Variants in CTIF observed in about 807,000 individuals in gnomAD.
CTIF encodes the protein CBP80/20-dependent translation initiation factor.
A neutral mutation model predicts 66.0 loss-of-function variants in CTIF; 21 were observed. The observed-to-expected ratio is 0.32, with a 90% confidence interval of 0.23 to 0.46. CTIF has a LOEUF of 0.46. CTIF is among the 20% of genes least tolerant of loss of function. The pLI is 1.00. For synonymous variants in CTIF, 345 were observed against 326.4 expected, an observed-to-expected ratio of 1.06 and a Z score of -0.62; for missense variants, 739 against 812.7, an observed-to-expected ratio of 0.91 and a Z score of 1.10.
At chr18:48,826,762 T>G (rs11665341) in intron 10 of CTIF, 18,898 of 152,306 alleles carry the variant, frequency 0.12, 1,491 homozygotes, top group Non-Finnish European at 0.17. Context: ...TTTGAGACAA[T>G]GCTTCTTATT....
At chr18:48,812,510 C>T (rs903516994) in intron 9 of CTIF, among the ~76,000 whole-genome samples, 6 of 152,218 alleles carry the variant, frequency 3.9e-5, no homozygotes, top group African/African-American at 7.2e-5. Context: ...TTTGTTCCTT[C>T]GTAGCTGTTT....
At chr18:48,649,667 C>G (rs969594665) in intron 3 of CTIF, among the ~76,000 whole-genome samples, 2 of 152,228 alleles carry the variant, frequency 1.3e-5, no homozygotes, top group Non-Finnish European at 2.9e-5. Flanking sequence ...GTCCCTGACC[C>G]TTGTATAGCC....
intron 6 of CTIF, among the ~76,000 whole-genome samples, chr18:48,673,040 CT>C (rs1328998334): frequency 6.6e-6 from 1 of 152,188 alleles, no homozygotes; most frequent in Non-Finnish European, 1.5e-5. Context: ...GATACCTCCC[CT>C]GATCCCTCTC....
intron 7 of CTIF, among the ~76,000 whole-genome samples, chr18:48,753,337 C>T (rs142724046): frequency 8.0e-4 from 121 of 152,108 alleles, no homozygotes; most frequent in Non-Finnish European, 1.1e-3. Context: ...TAGTTGGGAA[C>T]GATTATGAAA....
intron 6 of CTIF, among the ~76,000 whole-genome samples, chr18:48,679,171 C>T (rs2091697244): frequency 6.6e-6 from 1 of 152,206 alleles, no homozygotes; most frequent in Admixed American, 6.5e-5. Flanking sequence ...TCCAAGAGCC[C>T]TTCTGCTTTG....
intron 7 of CTIF, among the ~76,000 whole-genome samples, chr18:48,737,865 G>T (rs944097774): frequency 6.6e-6 from 1 of 152,252 alleles, no homozygotes; most frequent in Non-Finnish European, 1.5e-5. Context: ...GTAAGTAGAA[G>T]TTAGATTGAT....
chr18:48,664,415 G>A, intron 4 of CTIF, 32 bp from the exon 5 acceptor site: 1 of 1,580,606 alleles, frequency 6.3e-7, no homozygotes, highest in Non-Finnish European at 8.7e-7. Flanking sequence ...TTGCCCTCTT[G>A]CCTCCGTTTC....
intron 7 of CTIF, among the ~76,000 whole-genome samples, chr18:48,729,746 G>T (rs1034717653): frequency 2.0e-5 from 3 of 152,226 alleles, no homozygotes; most frequent in African/African-American, 7.2e-5. Flanking sequence ...CCTGTCTGGG[G>T]AGGGTGGTCC....
In CTIF at chr18:48,738,453, C is replaced by T. The variant is rs188598178; in HGVS notation, c.585-19466C>T. 2.5e-3 allele frequency among the ~76,000 whole-genome samples: 376 copies of T among 152,274 alleles called. 2 individuals are homozygous for T. Among genetic ancestry groups the T allele is most frequent in the African/African-American group, 8.8e-3 (367 of 41,556 alleles). On this transcript the variant is annotated intron_variant, in intron 7 of 11. Transcript: ENST00000256413. ...CACCTCTCTGACCTCACCATCTGCC[C>T]TCCCCCTTCACACTCTGCACTCCCG...
intron 2 of CTIF, among the ~76,000 whole-genome samples, chr18:48,629,956 G>A (rs950625583): frequency 3.3e-5 from 5 of 152,154 alleles, no homozygotes; most frequent in African/African-American, 1.2e-4. Context: ...TACACAGCAG[G>A]CTCCCCTTAT....
chr18:48,812,878 T>C (rs947404484), intron 9 of CTIF, among the ~76,000 whole-genome samples: 2 of 152,202 alleles, frequency 1.3e-5, no homozygotes, highest in Non-Finnish European at 2.9e-5. Context: ...ATTTTTATTA[T>C]TATTTATTTT....
At chr18:48,711,217 G>T (rs1274033766) in intron 6 of CTIF, among the ~76,000 whole-genome samples, 7 of 152,210 alleles carry the variant, frequency 4.6e-5, no homozygotes, top group Non-Finnish European at 1.0e-4. Flanking sequence ...TATGGAACTT[G>T]TGCTTAGAGA....
At chr18:48,600,671 G>A (rs556717369) in intron 1 of CTIF, among the ~76,000 whole-genome samples, 20 of 152,108 alleles carry the variant, frequency 1.3e-4, no homozygotes, top group Admixed American at 8.5e-4. Context: ...CTGATATCTC[G>A]GTGTCCCCAG....
chr18:48,730,696 A>AGGGGCTTCTGC (rs2092446751), intron 7 of CTIF, among the ~76,000 whole-genome samples: 1 of 34,280 alleles, frequency 2.9e-5, no homozygotes. Context: ...GGAGCCCCTG[A>AGGGGCTTCTGC]GGTGTGAGGG....
chr18:48,693,686 C>T (rs1037114005), intron 6 of CTIF, among the ~76,000 whole-genome samples: 7 of 152,170 alleles, frequency 4.6e-5, no homozygotes, highest in African/African-American at 9.7e-5. Context: ...CTGCCAAATG[C>T]GCCAGGTCTC....
At chr18:48,751,703 G>A (rs575425264) in intron 7 of CTIF, among the ~76,000 whole-genome samples, 3 of 152,188 alleles carry the variant, frequency 2.0e-5, no homozygotes, top group South Asian at 2.1e-4. Context: ...TCCTGCTCAG[G>A]TCTGGACCTT....
At chr18:48,779,120 AT>A (rs1410268351) in intron 9 of CTIF, among the ~76,000 whole-genome samples, 5 of 152,158 alleles carry the variant, frequency 3.3e-5, no homozygotes, top group African/African-American at 9.7e-5. Context: ...GGTGGGGACG[AT>A]GGTGTTAGTA....
At chr18:48,760,204 T>C (rs1195569296) in intron 8 of CTIF, 1 of 150,964 alleles carries the variant, frequency 6.6e-6, no homozygotes, top group Non-Finnish European at 1.5e-5. Flanking sequence ...TTTTTTTTTT[T>C]TGAGATGGAG....
In CTIF at chr18:48,658,079, G is replaced by A. The variant is rs537134017; in HGVS notation, c.253-5673G>A. Among the ~76,000 whole-genome samples, 267 of 152,210 alleles carry A rather than the reference G, an allele frequency of 1.8e-3. 2 individuals are homozygous for A. The highest frequency in any genetic ancestry group is 2.0e-3 in the Non-Finnish European group (133 of 68,006). ...GCCTTCCTGCTTCTCTGACTTCTCT[G>A]GCTTCTTTGGACATTCGAGGGTTTG... On this transcript the variant is annotated intron_variant, in intron 3 of 11. Transcript: ENST00000256413.
Sources: gnomAD v4.1 joint callset for allele counts (sites outside exome capture counted in the v4.1 genomes callset) on GRCh38, gnomAD v4.1.1 for gene constraint, MANE v1.5 for transcripts, NCBI Gene and HGNC (gene_info 2026-07-23, HGNC 2026-07-21) for gene names.